Variants in AGO3 observed in about 807,000 individuals in gnomAD.
The protein encoded by AGO3 is protein argonaute-3.
A neutral mutation model predicts 105.5 loss-of-function variants in AGO3; 16 were observed. That is an observed-to-expected ratio of 0.15 (90% CI 0.10 to 0.23). The LOEUF is 0.23. AGO3 is among the 10% of genes least tolerant of loss of function. The pLI, the probability that AGO3 is intolerant of heterozygous loss-of-function variation, is 1.00. For synonymous variants in AGO3, 340 were observed against 367.3 expected (o/e 0.93, Z 0.85); for missense variants, 534 against 1,088.0 (o/e 0.49, Z 7.16).
intron 5 of AGO3, among the ~76,000 whole-genome samples, chr1:35,993,289 C>T (rs1420766974): frequency 6.6e-6 from 1 of 151,630 alleles, no homozygotes; most frequent in South Asian, 2.1e-4. Context: ...AAGATTAGAG[C>T]AAAATTTAAT....
At chr1:35,966,326 G>A (rs954606178) in intron 2 of AGO3, among the ~76,000 whole-genome samples, 6 of 152,082 alleles carry the variant, frequency 3.9e-5, no homozygotes, top group Non-Finnish European at 8.8e-5. Flanking sequence ...GTATTGATTT[G>A]TGAAAATTTG....
intron 2 of AGO3, 27 bp from the exon 3 acceptor site, chr1:35,966,928 T>C (rs1557655798): frequency 3.8e-6 from 6 of 1,593,694 alleles, no homozygotes; most frequent in Non-Finnish European, 4.3e-6. Context: ...CAGAGGATTA[T>C]GTGAATATAT....
In AGO3 at chr1:36,010,774, C is replaced by T. The variant is rs184920470; in HGVS notation, c.1149+1180C>T. On this transcript the variant is annotated intron_variant, in intron 9 of 18. Coordinates refer to ENST00000373191, the MANE Select transcript of AGO3 (RefSeq NM_024852.4). ...ATACAAAATTAGCCAGGCATAGTGGCGCATGCCTATAATCCCAGCTACTCA... is the reference window on the plus strand; with the variant it reads ...ATACAAAATTAGCCAGGCATAGTGGTGCATGCCTATAATCCCAGCTACTCA... Among the ~76,000 whole-genome samples, 846 of 151,700 alleles carry T rather than the reference C, an allele frequency of 5.6e-3. 6 individuals are homozygous for T. The highest frequency in any genetic ancestry group is 0.01 in the Admixed American group (159 of 15,234).
At chr1:36,026,030 G>A (rs1641486612) in intron 11 of AGO3, among the ~76,000 whole-genome samples, 2 of 150,888 alleles carry the variant, frequency 1.3e-5, no homozygotes, top group Non-Finnish European at 2.9e-5. Flanking sequence ...AACAGAGTGA[G>A]ACTCCACCTC....
At chr1:36,038,011 A>G (rs1034779417) in intron 14 of AGO3, among the ~76,000 whole-genome samples, 4 of 152,136 alleles carry the variant, frequency 2.6e-5, no homozygotes, top group Non-Finnish European at 5.9e-5. Context: ...ATTCTTTTTC[A>G]CTATATGGCT....
rs1646720648 is a variant in AGO3 at position 35,963,746 on chromosome 1, G to T, written c.192-3209G>T. On this transcript the variant is annotated intron_variant, in intron 2 of 18. Coordinates refer to ENST00000373191, the MANE Select transcript of AGO3 (RefSeq NM_024852.4). ...TACAAGGACATGAGGCTTTTCTTTA[G>T]GATTGTGGTAATCGGGAATGGAAAG... 2.6e-5 allele frequency among the ~76,000 whole-genome samples: 4 copies of T among 152,122 alleles called. No individual in the cohort carries two copies. In the South Asian group the frequency reaches 8.3e-4, roughly 32 times the overall value.
rs148379014 is a variant in AGO3 at position 36,027,758 on chromosome 1, G to C, written c.1591+460G>C. ...CGCACCGGTGCACTCCAGCCTGGGCGACAGAGCGAAAGTCCGTCTCAAAAA... is the reference window on the plus strand; with the variant it reads ...CGCACCGGTGCACTCCAGCCTGGGCCACAGAGCGAAAGTCCGTCTCAAAAA... On this transcript the variant is annotated intron_variant, in intron 12 of 18. Transcript: ENST00000373191. The surrounding 1 kb of genome is among the most constrained non-coding windows in gnomAD (Gnocchi z 4.0). Among the ~76,000 whole-genome samples the C allele has an allele frequency of 1.3e-5, 2 of 148,184 alleles. No homozygotes were observed. Among genetic ancestry groups the C allele is most frequent in the East Asian group, 4.0e-4 (2 of 5,062 alleles).
chr1:35,945,279 C>T (rs1646341863), intron 1 of AGO3, among the ~76,000 whole-genome samples: 1 of 149,428 alleles, frequency 6.7e-6, no homozygotes, highest in South Asian at 2.1e-4. Context: ...GTGTTACTAT[C>T]ATAGCTCAAG....
At chr1:36,035,858 C>G (rs1481227732) in intron 13 of AGO3, among the ~76,000 whole-genome samples, 2 of 151,746 alleles carry the variant, frequency 1.3e-5, no homozygotes, top group Non-Finnish European at 2.9e-5. Context: ...TGGTGAAACC[C>G]CATCTCTACT....
At chr1:35,941,714 C>T (rs1193343204) in intron 1 of AGO3, among the ~76,000 whole-genome samples, 1 of 152,134 alleles carries the variant, frequency 6.6e-6, no homozygotes, top group Non-Finnish European at 1.5e-5. Flanking sequence ...CCTAGCAGGC[C>T]AGGCTTGGTG....
intron 17 of AGO3, among the ~76,000 whole-genome samples, chr1:36,050,783 C>T (rs1459267295): frequency 1.5e-5 from 2 of 137,504 alleles, no homozygotes; most frequent in African/African-American, 5.8e-5. Context: ...CTGAGTGGGA[C>T]TCTATCTCAA....
intron 6 of AGO3, among the ~76,000 whole-genome samples, chr1:36,007,085 A>G (rs1019292719): frequency 2.0e-5 from 3 of 152,216 alleles, no homozygotes; most frequent in Non-Finnish European, 4.4e-5. Context: ...AATAGAAAGC[A>G]GTAGCATCTC....
chr1:35,976,479 C>CT (rs1490824409), intron 5 of AGO3, among the ~76,000 whole-genome samples: 1 of 151,920 alleles, frequency 6.6e-6, no homozygotes, highest in Admixed American at 6.6e-5. Flanking sequence ...TTTTATACCT[C>CT]TAATTTTTTT....
Position 36,036,262 on chromosome 1 carries a change from G to T in AGO3, c.1837G>T (p.Ala613Ser). The T allele has an allele frequency of 6.2e-7, 1 of 1,613,898 alleles. No homozygotes were observed. The change falls in exon 14 of 19, where the codon GCT becomes TCT. Residue 613 changes from alanine to serine, a missense_variant. Transcript: ENST00000373191. ...TGGTGATGGAAAGAAGCCTTCTATT[G>T]CTGCTGTGAGTGTTAGCCAGGTTTA... The part of the protein sequence containing the change: ...PAGDGKKPSI[A>S]AVVGSMDAHP...
intron 11 of AGO3, among the ~76,000 whole-genome samples, chr1:36,020,629 T>G (rs1037106282): frequency 6.6e-6 from 1 of 151,978 alleles, no homozygotes; most frequent in Non-Finnish European, 1.5e-5. Flanking sequence ...ATTTATTTAT[T>G]TATTGAGACG....
chr1:35,998,292 C>G (rs1437749099), intron 5 of AGO3, among the ~76,000 whole-genome samples: 1 of 151,978 alleles, frequency 6.6e-6, no homozygotes, highest in Non-Finnish European at 1.5e-5. Context: ...ACAAAATATC[C>G]AAATATGTTG....
At position 36,014,193 on chromosome 1, in the gene AGO3, C is replaced by T. The variant is rs141812302; in HGVS notation, c.1406+145C>T. The T allele has an allele frequency of 3.7e-3, 4,025 of 1,098,386 alleles. 104 individuals carry two copies. In the African/African-American group the frequency reaches 0.051, roughly 14 times the overall value. The allele number at this position is 1,098,386 out of a possible 1,614,324, so 68.0% of individuals were successfully genotyped here. On this transcript the variant is annotated intron_variant, in intron 11 of 18. Coordinates refer to ENST00000373191, the MANE Select transcript of AGO3 (RefSeq NM_024852.4). The stretch of plus-strand genomic sequence containing the variant: ...TTTTTTTTTGAGACAGAGTCTCACT[C>T]TGTCACCCAGGCTGAAGTGTAGTGG...
At chr1:35,982,588 A>G (rs1045073437) in intron 5 of AGO3, 2 of 715,572 alleles carry the variant, frequency 2.8e-6, no homozygotes, top group African/African-American at 3.5e-5. Flanking sequence ...GGTTTTTAAG[A>G]AGGATAGTGA....
chr1:35,937,435 G>A (rs529002479), intron 1 of AGO3, among the ~76,000 whole-genome samples: 1 of 151,728 alleles, frequency 6.6e-6, no homozygotes, highest in South Asian at 2.1e-4. Context: ...GCTCCCACCT[G>A]TAATCCCAGC....
Sources: allele counts gnomAD v4.1 joint callset (sites outside exome capture counted in the v4.1 genomes callset), GRCh38; gene constraint gnomAD v4.1.1; non-coding constraint Gnocchi (gnomAD v3.1); transcripts MANE v1.5; gene names NCBI Gene and HGNC (gene_info 2026-07-23, HGNC 2026-07-21).